AKT1S1: variants seen among roughly 807,000 people sequenced by gnomAD.
AKT1S1 encodes the protein AKT1 substrate 1.
AKT1S1 carries 17 observed loss-of-function variants against 21.2 expected under a neutral mutation model. The ratio of observed to expected loss-of-function variants is 0.80; its 90% confidence interval spans 0.55 to 1.20. AKT1S1 has a LOEUF of 1.20. Among genes scored for constraint, AKT1S1 ranks in the 50% most tolerant of loss-of-function variants. The probability of loss-of-function intolerance (pLI) is 0.00; values close to 1 mark genes in which losing one functional copy is unlikely to be tolerated. For missense variants in AKT1S1, 366 were observed against 368.3 expected (o/e 0.99, Z 0.05); for synonymous variants, 181 against 165.6 (o/e 1.09, Z -0.72).
At chr19:49,871,481 T>TTC in intron 4 of AKT1S1, 66 bp downstream of exon 4, 2 of 1,599,948 alleles carry the variant, frequency 1.3e-6, no homozygotes, top group Non-Finnish European at 1.7e-6. Flanking sequence ...GCTGGAGGGC[T>TTC]TCCTGGAGGA....
At chr19:49,877,677 G>C (rs374655383), upstream of AKT1S1, 82 of 1,589,888 alleles carry the variant, frequency 5.2e-5, no homozygotes, top group African/African-American at 1.0e-3. Flanking sequence ...ACAACACGCT[G>C]ACTAGGAAAA....
In AKT1S1 at chr19:49,873,156, G is replaced by C. The variant is rs1177617371; in HGVS notation, c.140C>G (p.Ala47Gly). ...CGCCAGGGCTCCTCGACCATGGGCA[G>C]CATAGGCACAGGGGCCCGGGCGGGG... is the stretch of plus-strand genomic sequence containing the variant. Reference protein sequence around the residue: ...PPPRPGPCAYAAHGRGALAEA... With the variant: ...PPPRPGPCAYGAHGRGALAEA... The change falls in exon 2 of 5, where the codon GCT (alanine) becomes GGT (glycine). Residue 47 changes from alanine to glycine, a missense_variant. Physicochemically the swap from Ala to Gly is moderately conservative, Grantham distance 60. Transcript: ENST00000344175. The surrounding 1 kb of genome is among the most constrained non-coding windows in gnomAD (Gnocchi z 6.9). The C allele has an allele frequency of 3.9e-6, 6 of 1,537,736 alleles. No homozygotes were observed. The highest frequency in any genetic ancestry group is 5.2e-6 in the Non-Finnish European group (6 of 1,147,698).
chr19:49,876,704 A>ACACT, intron 1 of AKT1S1: 2 of 1,435,598 alleles, frequency 1.4e-6, no homozygotes, highest in Non-Finnish European at 1.8e-6. Context: ...TCCTCTCCGC[A>ACACT]CACTCCGCCT....
At chr19:49,876,425 G>A (rs148665277) in intron 1 of AKT1S1, among the ~76,000 whole-genome samples, 1 of 152,352 alleles carries the variant, frequency 6.6e-6, no homozygotes, top group Admixed American at 6.5e-5. Context: ...GGTCTGACAG[G>A]ACGATTCCCA....
At chr19:49,872,714 C>A (rs2074897588) in intron 2 of AKT1S1, among the ~76,000 whole-genome samples, 1 of 152,220 alleles carries the variant, frequency 6.6e-6, no homozygotes, top group Non-Finnish European at 1.5e-5. Context: ...ACAGAGCTGG[C>A]CCCAGGACCA....
At position 49,870,589 on chromosome 19, in the gene AKT1S1, AG is replaced by A. The variant is rs1447491495; in HGVS notation, c.628-530del. ...TACAGAAAAGATCCCTCGCTGTGTC[AG>A]CCCCCGCCAAGGAGCCTGCAGTTCT... On this transcript the variant is annotated intron_variant, in intron 4 of 4. Coordinates refer to ENST00000344175, the MANE Select transcript of AKT1S1 (RefSeq NM_001098633.4). Among the ~76,000 whole-genome samples the A allele has an allele frequency of 4.6e-5, 7 of 152,252 alleles. No homozygotes were observed. The East Asian group carries it at 1.4e-3, about 29-fold the overall frequency.
chr19:49,876,876 C>A (rs890172626), intron 1 of AKT1S1: 2 of 461,740 alleles, frequency 4.3e-6, no homozygotes, highest in Non-Finnish European at 7.5e-6. Context: ...TCAATCATGA[C>A]CACAGTAAAC....
chr19:49,878,091 A>G, upstream of AKT1S1: 1 of 1,464,708 alleles, frequency 6.8e-7, no homozygotes, highest in South Asian at 1.2e-5. Context: ...TTGGCTCCCC[A>G]GGCTGGTCCC....
chr19:49,876,781 G>A (rs920227745), intron 1 of AKT1S1: 27 of 1,153,632 alleles, frequency 2.3e-5, no homozygotes, highest in South Asian at 2.2e-4. Context: ...AGTTGACAAG[G>A]GTGACGACAG....
At chr19:49,875,306 GA>G (rs1810414173) in intron 1 of AKT1S1, 2 of 150,760 alleles carry the variant, frequency 1.3e-5, no homozygotes, top group Non-Finnish European at 2.9e-5. Context: ...GAGGCTCAGA[GA>G]GCTTAGGACA....
At chr19:49,876,775 G>T in intron 1 of AKT1S1, 1 of 1,203,852 alleles carries the variant, frequency 8.3e-7, no homozygotes, top group African/African-American at 1.6e-5. Context: ...CGAACCAGTT[G>T]ACAAGGGTGA....
At position 49,873,344 on chromosome 19, in the gene AKT1S1, C is replaced by T; in HGVS notation, c.-7-42G>A. 1.4e-6 allele frequency: 2 copies of T among 1,401,950 alleles called. No individual in the cohort carries two copies. The highest frequency in any genetic ancestry group is 1.8e-6 in the Non-Finnish European group (2 of 1,087,000). 86.8% of individuals were successfully genotyped at this position (1,401,950 alleles called of 1,614,324 possible). On this transcript the variant is annotated intron_variant, in intron 1 of 4. Transcript: ENST00000344175. This position sits in a 1 kb window ranked among gnomAD's most constrained non-coding sequence, Gnocchi z 6.9. The stretch of plus-strand genomic sequence containing the variant: ...GACAGAGGGGGCTGAGGCTTGGCGG[C>T]CTACATCATCGCCACCCACTCAGAG...
intron 1 of AKT1S1, chr19:49,874,494 TTG>T (rs2074919305): frequency 1.3e-5 from 2 of 152,422 alleles, no homozygotes; most frequent in Middle Eastern, 3.4e-3. Flanking sequence ...TCACCTGAGC[TTG>T]TGACAGCTGT....
upstream of AKT1S1, chr19:49,878,204 ACT>A (rs764486896): frequency 1.9e-5 from 30 of 1,567,712 alleles, no homozygotes; most frequent in Non-Finnish European, 2.2e-5. Flanking sequence ...CAGGACCGAG[ACT>A]CTCTCATCGC....
chr19:49,872,972 A>ATCCTCGTCC lies in AKT1S1; in HGVS notation c.315_323dup (p.Glu105_Glu107dup), dbSNP rs1281924492. On this transcript the variant is annotated inframe_insertion, in exon 2 of 5. Transcript: ENST00000344175. The stretch of plus-strand genomic sequence containing the variant: ...CGGAGGTCTCTGTCTCTGTGGGCTC[A>ATCCTCGTCC]TCCTCGTCCTCCTCGTTGTCCTCTC... The ATCCTCGTCC allele has an allele frequency of 1.2e-5, 19 of 1,602,810 alleles. No individual in the cohort carries two copies. The highest frequency in any genetic ancestry group is 1.6e-5 in the Non-Finnish European group (19 of 1,176,456).
rs1180625022 is a variant in AKT1S1 at position 49,873,170 on chromosome 19, G to GC, written c.125dup (p.Cys44LeufsTer66). ...GACCATGGGCAGCATAGGCACAGGGGCCCGGGCGGGGTGGTGGCGGCGGGG... is the reference window on the plus strand; with the variant it reads ...GACCATGGGCAGCATAGGCACAGGGGCCCCGGGCGGGGTGGTGGCGGCGGGG... On this transcript the variant is annotated frameshift_variant, in exon 2 of 5. Coordinates refer to ENST00000344175, the MANE Select transcript of AKT1S1 (RefSeq NM_001098633.4). LOFTEE classifies it high-confidence loss of function. This position sits in a 1 kb window ranked among gnomAD's most constrained non-coding sequence, Gnocchi z 6.9. The GC allele has an allele frequency of 2.6e-5, 40 of 1,534,248 alleles. No homozygotes were observed. The highest frequency in any genetic ancestry group is 3.4e-5 in the Non-Finnish European group (39 of 1,146,556).
rs920374007 is a variant in AKT1S1, at chr19:49,871,820, C to T, written c.449G>A (p.Ser150Asn). The stretch of plus-strand genomic sequence containing the variant: ...CAGCCTGGGACACTCACCATCTGTA[C>T]TCTCGGGGTCTGACTCACAGAAGGG... ...LPPFCESDPE[S>N]TDDGSLSEET... is the part of the protein sequence containing the mutation. Residue 150 changes from serine (S) to asparagine (N), a missense_variant, in exon 3 of 5, where the codon AGT (serine) becomes AAT (asparagine). By Grantham distance (46) the Ser-to-Asn change is conservative (BLOSUM62 1). Coordinates refer to ENST00000344175, the MANE Select transcript of AKT1S1 (RefSeq NM_001098633.4). 2.1e-5 allele frequency: 34 copies of T among 1,611,514 alleles called. No individual in the cohort carries two copies. The highest frequency in any genetic ancestry group is 2.5e-5 in the Non-Finnish European group (30 of 1,179,240).
At chr19:49,874,725 C>T (rs963518583) in intron 1 of AKT1S1, 1 of 152,152 alleles carries the variant, frequency 6.6e-6, no homozygotes, top group Non-Finnish European at 1.5e-5. Context: ...TTTTCTTCCC[C>T]ATTAACCAGC....
chr19:49,872,903 C>G lies in AKT1S1; in HGVS notation c.379+14G>C. On this transcript the variant is annotated intron_variant, in intron 2 of 4. Coordinates refer to ENST00000344175, the MANE Select transcript of AKT1S1 (RefSeq NM_001098633.4). Reference sequence around the variant, plus strand: ...AGCGCTGGGCCGCACCCGCCCCTGCCCCCACCCTCTCACCTCCATTATCAC... The same window carrying G: ...AGCGCTGGGCCGCACCCGCCCCTGCGCCCACCCTCTCACCTCCATTATCAC... The G allele has an allele frequency of 6.3e-7, 1 of 1,594,200 alleles. No homozygotes were observed. Among genetic ancestry groups the G allele is most frequent in the Admixed American group, 1.7e-5 (1 of 59,548 alleles).
Sources: allele counts gnomAD v4.1 joint callset (sites outside exome capture counted in the v4.1 genomes callset), GRCh38; gene constraint gnomAD v4.1.1; non-coding constraint Gnocchi (gnomAD v3.1); transcripts MANE v1.5; gene names NCBI Gene and HGNC (gene_info 2026-07-23, HGNC 2026-07-21).